The following AGBL1 variants were observed in gnomAD, a reference collection of about 807,000 sequenced individuals.
The protein encoded by AGBL1 is AGBL carboxypeptidase 1, also known as cytosolic carboxypeptidase 4.
A neutral mutation model predicts 118.9 loss-of-function variants in AGBL1; 130 were observed. The observed-to-expected ratio is 1.09, with a 90% CI of 0.95 to 1.26. The LOEUF (loss-of-function observed/expected upper bound fraction) is 1.26. Among genes scored for constraint, AGBL1 ranks in the 50% most tolerant of loss-of-function variants. The probability of loss-of-function intolerance (pLI) is 0.00; values close to 1 mark genes in which losing one functional copy is unlikely to be tolerated. For synonymous variants in AGBL1, 555 were observed against 478.9 expected (o/e 1.16, Z -2.08); for missense variants, 1,584 against 1,298.1 (o/e 1.22, Z -3.38).
intron 17 of AGBL1, among the ~76,000 whole-genome samples, chr15:86,302,685 A>G (rs982080205): frequency 1.3e-5 from 2 of 149,418 alleles, no homozygotes; most frequent in East Asian, 2.1e-4. Context: ...TGGCTGAGGT[A>G]GGAGAATTGC....
At chr15:86,839,724 A>G (rs993399997) in intron 22 of AGBL1, among the ~76,000 whole-genome samples, 7 of 152,196 alleles carry the variant, frequency 4.6e-5, no homozygotes, top group Admixed American at 4.6e-4. Flanking sequence ...CCTCCTGTCA[A>G]GGAATTCTGG....
At chr15:86,396,149 A>G (rs28611778) in intron 17 of AGBL1, among the ~76,000 whole-genome samples, 9 of 27,890 alleles carry the variant, frequency 3.2e-4, no homozygotes, top group Admixed American at 4.3e-4. Flanking sequence ...ATATATGTGT[A>G]TATATATATA....
chr15:86,625,796 G>A (rs2084878166), intron 21 of AGBL1, among the ~76,000 whole-genome samples: 1 of 152,186 alleles, frequency 6.6e-6, no homozygotes, highest in East Asian at 1.9e-4. Flanking sequence ...GGCAGCAAAA[G>A]ACATGCAACC....
chr15:86,256,459 C>T (rs996462212), intron 7 of AGBL1, among the ~76,000 whole-genome samples: 6 of 152,170 alleles, frequency 3.9e-5, no homozygotes, highest in South Asian at 2.1e-4. Flanking sequence ...CATTGCCTAA[C>T]GTAGGCAATA....
intron 22 of AGBL1, among the ~76,000 whole-genome samples, chr15:86,790,852 G>A (rs749796681): frequency 3.9e-5 from 6 of 152,034 alleles, no homozygotes; most frequent in East Asian, 1.9e-4. Context: ...TATGGCTTCT[G>A]TAACCACCAA....
chr15:86,318,326 T>G (rs2080048741), intron 17 of AGBL1, among the ~76,000 whole-genome samples: 1 of 152,234 alleles, frequency 6.6e-6, no homozygotes, highest in Admixed American at 6.5e-5. Context: ...CCAGGTCTCA[T>G]TATCCTTCTC....
intron 18 of AGBL1, among the ~76,000 whole-genome samples, chr15:86,466,314 G>A (rs942540718): frequency 6.6e-6 from 1 of 151,932 alleles, no homozygotes; most frequent in African/African-American, 2.4e-5. Flanking sequence ...GCTTCATGAA[G>A]TTCTCTTGCT....
chr15:86,959,706 CCTT>C (rs2080972125), intron 23 of AGBL1, among the ~76,000 whole-genome samples: 1 of 152,008 alleles, frequency 6.6e-6, no homozygotes, highest in Admixed American at 6.6e-5. Flanking sequence ...CTTACTCTTT[CCTT>C]CTTTTTCTCT....
rs74027110 is a variant in AGBL1, at chr15:86,808,270, G to A, written c.3159-98817G>A. ...GAAGTGGTGCTTCTCCATGCTACCC[G>A]TGCCTTTCCTGTAGAGAAGATGGTG... is the stretch of plus-strand genomic sequence containing the variant. On this transcript the variant is annotated intron_variant, in intron 22 of 22. Coordinates refer to ENST00000614907, the MANE Select transcript of AGBL1 (RefSeq NM_001386094.1). 3.9e-3 allele frequency among the ~76,000 whole-genome samples: 598 copies of A among 152,208 alleles called. 7 individuals are homozygous for A. The highest frequency in any genetic ancestry group is 0.013 in the African/African-American group (533 of 41,560).
At chr15:86,966,468 C>T (rs887237716) in intron 23 of AGBL1, among the ~76,000 whole-genome samples, 1 of 152,010 alleles carries the variant, frequency 6.6e-6, no homozygotes, top group East Asian at 1.9e-4. Flanking sequence ...AATGCTATCC[C>T]TCCCTGCTCC....
chr15:86,080,308 A>AAATGG (rs1424150367), intron 1 of AGBL1: 1 of 290,668 alleles, frequency 3.4e-6, no homozygotes, highest in Non-Finnish European at 6.3e-6. Context: ...GGAAAGGTGG[A>AAATGG]GAAAAAGCCT....
intron 21 of AGBL1, among the ~76,000 whole-genome samples, chr15:86,564,189 A>T (rs2083876469): frequency 6.6e-6 from 1 of 152,118 alleles, no homozygotes; most frequent in Admixed American, 6.5e-5. Context: ...TTAACTGGTT[A>T]TTTTGCTCAT....
rs140138572 is a variant in AGBL1 at position 86,958,325 on chromosome 15, C to T, written c.3222-29662C>T. 2.0e-5 allele frequency among the ~76,000 whole-genome samples: 3 copies of T among 151,978 alleles called. No individual in the cohort carries two copies. The East Asian group carries it at 5.8e-4, about 29-fold the overall frequency. On this transcript the variant is annotated intron_variant, in intron 23 of 24. Transcript: ENST00000441037. ...CCACTGCCCCTACAGGTGTGATGAT[C>T]GAAATGTCTCCAGACATTGCCAAAT...
intron 24 of AGBL1, among the ~76,000 whole-genome samples, chr15:87,019,943 C>T (rs1177087932): frequency 6.6e-6 from 1 of 151,856 alleles, no homozygotes. Context: ...CCACTGACCC[C>T]ACAGAAATAT....
intron 17 of AGBL1, among the ~76,000 whole-genome samples, chr15:86,382,017 A>G (rs1347744815): frequency 1.3e-5 from 2 of 152,206 alleles, no homozygotes. Context: ...GATGGGACTT[A>G]GTAACGCTCT....
intron 16 of AGBL1, among the ~76,000 whole-genome samples, chr15:86,286,534 T>C (rs1316785513): frequency 6.6e-6 from 1 of 151,960 alleles, no homozygotes; most frequent in Admixed American, 6.6e-5. Flanking sequence ...TTGACTTTTT[T>C]ATATTTCATG....
chr15:86,221,824 G>A (rs975172558), intron 5 of AGBL1, among the ~76,000 whole-genome samples: 3 of 151,944 alleles, frequency 2.0e-5, no homozygotes, highest in African/African-American at 7.3e-5. Flanking sequence ...ATGCATTGAA[G>A]TGAAAATTTC....
chr15:86,249,647 C>T (rs1216706305), intron 7 of AGBL1, among the ~76,000 whole-genome samples: 1 of 152,186 alleles, frequency 6.6e-6, no homozygotes, highest in Non-Finnish European at 1.5e-5. Context: ...TGCCCTCCTG[C>T]ATTGCCGATG....
In AGBL1 at chr15:86,674,401, T is replaced by G. The variant is rs752501497; in HGVS notation, c.3123T>G (p.Ser1041Arg). 1.9e-6 allele frequency: 3 copies of G among 1,613,092 alleles called. No individual in the cohort carries two copies. In the South Asian group the frequency reaches 3.3e-5, roughly 18 times the overall value. ...TGGCTCAAGCTGCAACTCTGCTGAG[T>G]GCTGAGGAGGACGCTCTGGACCAGC... The part of the protein sequence containing the change: ...QLLAQAATLL[S>R]AEEDALDQHL... Residue 1041 changes from serine (S) to arginine (R), a missense_variant, in exon 22 of 23, where the codon AGT (serine) becomes AGG (arginine). Coordinates refer to ENST00000614907, the MANE Select transcript of AGBL1 (RefSeq NM_001386094.1).
Sources: gnomAD v4.1 joint callset for allele counts (sites outside exome capture counted in the v4.1 genomes callset) on GRCh38, gnomAD v4.1.1 for gene constraint, MANE v1.5 for transcripts, NCBI Gene and HGNC (gene_info 2026-07-23, HGNC 2026-07-21) for gene names.